Variants in IDI1 observed in about 807,000 individuals in gnomAD.
IDI1 encodes the protein isopentenyl-diphosphate delta isomerase 1, also known as isopentenyl-diphosphate Delta-isomerase 1.
IDI1 carries 23 observed loss-of-function variants against 32.9 expected under a neutral mutation model. The ratio of observed to expected loss-of-function variants is 0.70; its 90% CI spans 0.50 to 0.99. The LOEUF (loss-of-function observed/expected upper bound fraction) is 0.99. Among genes scored for constraint, IDI1 ranks in the 50% least tolerant of loss-of-function variants. The probability of loss-of-function intolerance (pLI) is 0.00; values close to 1 mark genes in which losing one functional copy is unlikely to be tolerated. For missense variants in IDI1, 326 were observed against 351.9 expected, an observed-to-expected ratio of 0.93 and a Z score of 0.59; for synonymous variants, 133 against 128.2, an observed-to-expected ratio of 1.04 and a Z score of -0.25.
At chr10:1,056,490 A>T in the IDI1 span, 1 of 152,098 alleles carries the variant, frequency 6.6e-6, no homozygotes, top group Admixed American at 6.6e-5. Context: ...CCTCAGGCGG[A>T]CCGCGCCCCG....
Position 1,041,059 on chromosome 10 carries a change from T to C in IDI1, c.*128A>G. The C allele has an allele frequency of 1.6e-6, 1 of 634,602 alleles. No homozygotes were observed. The highest frequency in any genetic ancestry group is 2.1e-5 in the South Asian group (1 of 47,658). 39.3% of individuals were successfully genotyped at this position (634,602 alleles called of 1,614,324 possible). ...TTAAAGTATCAGTGTATATAATACA[T>C]TAATGATAGTACCAAATGATAGAAC... On this transcript the variant is annotated 3_prime_UTR_variant, in exon 5 of 5. Transcript: ENST00000381344.
intron 1 of IDI1, 56 bp downstream of exon 1, chr10:1,048,808 G>A: frequency 6.3e-7 from 1 of 1,576,968 alleles, no homozygotes; most frequent in Non-Finnish European, 8.6e-7. Flanking sequence ...CCGTCCCGCA[G>A]CTCCCCGATG....
In IDI1 at chr10:1,048,846, G is replaced by A. The variant is rs568369613; in HGVS notation, c.140+18C>T. 3.1e-6 allele frequency: 5 copies of A among 1,601,246 alleles called. No individual in the cohort carries two copies. Among genetic ancestry groups the A allele is most frequent in the Admixed American group, 3.4e-5 (2 of 59,484 alleles). ...GCCCTGCCCCTGTCTCCCGAACTCC[G>A]CCGCCCGTCCACAGTACCTGATCAG... On this transcript the variant is annotated intron_variant, in intron 1 of 4. Coordinates refer to ENST00000381344, the MANE Select transcript of IDI1 (RefSeq NM_004508.4).
chr10:1,039,699 G>C lies in IDI1; in HGVS notation c.*1488C>G, dbSNP rs1248829400. The stretch of plus-strand genomic sequence containing the variant: ...CTAACTCTTGCTAAGTACTTAACAA[G>C]GTGCTGGGTAGCAGTCTAAGGGTCC... On this transcript the variant is annotated 3_prime_UTR_variant, in exon 5 of 5. Coordinates refer to ENST00000381344, the MANE Select transcript of IDI1 (RefSeq NM_004508.4). 1 of 152,200 alleles carries C rather than the reference G, an allele frequency of 6.6e-6. No individual in the cohort carries two copies. Among genetic ancestry groups the C allele is most frequent in the Non-Finnish European group, 1.5e-5 (1 of 68,040 alleles). 9.4% of individuals were successfully genotyped at this position (152,200 alleles called of 1,614,324 possible).
chr10:1,048,960 G>C lies in IDI1; in HGVS notation c.44C>G (p.Ala15Gly), dbSNP rs1321329592. ...LALARAIGCAARGRGQWAVRA... is the reference protein window; with the variant it reads ...LALARAIGCAGRGRGQWAVRA... ...CACCGCCCACTGGCCCCGCCCCCGG[G>C]CCGCGCAGCCAATCGCTCGCGCCAG... Residue 15 changes from alanine to glycine, a missense_variant, in exon 1 of 5, where the codon GCC becomes GGC. Physicochemically the swap from Ala to Gly is moderately conservative, Grantham distance 60. Coordinates refer to ENST00000381344, the MANE Select transcript of IDI1 (RefSeq NM_004508.4). 1.3e-6 allele frequency: 2 copies of C among 1,557,606 alleles called. No homozygotes were observed. Among genetic ancestry groups the C allele is most frequent in the Non-Finnish European group, 1.7e-6 (2 of 1,156,082 alleles).
intron 4 of IDI1, among the ~76,000 whole-genome samples, chr10:1,041,942 A>C (rs1832608533): frequency 6.6e-6 from 1 of 151,460 alleles, no homozygotes; most frequent in African/African-American, 2.4e-5. Context: ...AGTAGCTGGG[A>C]TTACAGACGT....
rs1048925730 is a variant in IDI1, at chr10:1,049,051, A to C, written c.-48T>G. On this transcript the variant is annotated 5_prime_UTR_variant, in exon 1 of 5. Coordinates refer to ENST00000381344, the MANE Select transcript of IDI1 (RefSeq NM_004508.4). ...ACGCGCTTGACGACACAATCTCGCC[A>C]AGCTTCGCCTGGTGGTGCCACCTCC... 73 of 1,448,618 alleles carry C rather than the reference A, an allele frequency of 5.0e-5. No homozygotes were observed. Among genetic ancestry groups the C allele is most frequent in the African/African-American group, 1.5e-5 (1 of 67,168 alleles). 89.7% of individuals were successfully genotyped at this position (1,448,618 alleles called of 1,614,324 possible).
At chr10:1,048,660 C>G in intron 1 of IDI1, 1 of 1,410,216 alleles carries the variant, frequency 7.1e-7, no homozygotes, top group Non-Finnish European at 9.2e-7. Context: ...CCGCCTTCCA[C>G]GGGGCGCGGG....
intron 1 of IDI1, chr10:1,048,295 C>T (rs1364668386): frequency 3.1e-6 from 4 of 1,304,298 alleles, no homozygotes; most frequent in Non-Finnish European, 4.0e-6. Flanking sequence ...CATCATCCAA[C>T]CCAAGAAAAA....
At chr10:1,048,494 G>T in intron 1 of IDI1, 1 of 1,245,404 alleles carries the variant, frequency 8.0e-7, no homozygotes, top group Non-Finnish European at 1.0e-6. Flanking sequence ...GTCTACGCTT[G>T]TTTCTGAATT....
chr10:1,049,661 A>ATT (rs3053722), upstream of IDI1: 45 of 150,430 alleles, frequency 3.0e-4, no homozygotes, highest in African/African-American at 6.6e-4. Context: ...TACGTTCTAA[A>ATT]TTTTTTTTTT....
At chr10:1,054,516 G>A in the IDI1 span, among the ~76,000 whole-genome samples, 1 of 152,210 alleles carries the variant, frequency 6.6e-6, no homozygotes, top group South Asian at 2.1e-4. Context: ...CAGGGACAAA[G>A]TACATGTATT....
intron 1 of IDI1, chr10:1,048,565 C>G (rs1415544589): frequency 1.5e-6 from 2 of 1,344,234 alleles, no homozygotes; most frequent in Non-Finnish European, 1.9e-6. Flanking sequence ...TCCACGAGTT[C>G]CTAAACCTCA....
chr10:1,041,501 G>A lies in IDI1; in HGVS notation c.541C>T (p.Pro181Ser). 1 of 1,530,792 alleles carries A rather than the reference G, an allele frequency of 6.5e-7. No homozygotes were observed. Among genetic ancestry groups the A allele is most frequent in the Non-Finnish European group, 8.8e-7 (1 of 1,131,366 alleles). 94.8% of individuals were successfully genotyped at this position (1,530,792 alleles called of 1,614,324 possible). Residue 181 changes from proline (P) to serine (S), a missense_variant, in exon 5 of 5, where the codon CCT becomes TCT. Transcript: ENST00000381344. Reference protein sequence around the residue: ...AELGIPLEEVPPEEINYLTRI... With the variant: ...AELGIPLEEVSPEEINYLTRI... ...GTTAAATAATTAATTTCTTCTGGAG[G>A]AACCTAAGACATTAAAAAAAAAAAA...
Position 1,044,033 on chromosome 10 carries a change from C to T in IDI1, c.279G>A (p.Lys93=). The change falls in exon 2 of 5, where the codon AAG becomes AAA. Residue 93 remains lysine, a synonymous_variant. Transcript: ENST00000381344. ...TGTTCTCGTTCAGGTGACAATTCTT[C>T]TTGGTCTCAGCTCCAATTTTATTGT... ...ENDNKIGAET[K]KNCHLNENIE... 1.2e-6 allele frequency: 2 copies of T among 1,612,822 alleles called. No individual in the cohort carries two copies. Among genetic ancestry groups the T allele is most frequent in the East Asian group, 4.5e-5 (2 of 44,884 alleles).
chr10:1,048,262 AC>A (rs1315077304), intron 1 of IDI1: 21 of 1,304,122 alleles, frequency 1.6e-5, no homozygotes, highest in Non-Finnish European at 2.1e-5. Context: ...TTTAAAGAAT[AC>A]CATGTAGTAG....
Position 1,046,215 on chromosome 10 carries a change from A to G in IDI1, c.141-2044T>C, listed in dbSNP as rs560224279. ...TCCACTGTGTACATACATGTGTCAC[A>G]TGATGGTGTTTCGGTACACTACAGA... On this transcript the variant is annotated intron_variant, in intron 1 of 4. Transcript: ENST00000381344. Among the ~76,000 whole-genome samples the G allele has an allele frequency of 2.6e-5, 4 of 152,334 alleles. No individual in the cohort carries two copies. The South Asian group carries it at 8.3e-4, about 32-fold the overall frequency.
At chr10:1,041,803 T>C (rs1564483483) in intron 4 of IDI1, among the ~76,000 whole-genome samples, 1 of 147,404 alleles carries the variant, frequency 6.8e-6, no homozygotes. Context: ...CATTCTTCTT[T>C]TTCTTCTTTT....
At chr10:1,042,000 A>C (rs140249324) in intron 4 of IDI1, among the ~76,000 whole-genome samples, 1 of 151,438 alleles carries the variant, frequency 6.6e-6, no homozygotes, top group Non-Finnish European at 1.5e-5. Context: ...GTAGAGACGG[A>C]GTTTCACCAT....
Sources: allele counts gnomAD v4.1 joint callset (sites outside exome capture counted in the v4.1 genomes callset), GRCh38; gene constraint gnomAD v4.1.1; transcripts MANE v1.5; gene names NCBI Gene and HGNC (gene_info 2026-07-23, HGNC 2026-07-21).